Variants in CDH13 observed in about 807,000 individuals in gnomAD.
CDH13 encodes the protein cadherin-13.
CDH13 carries 24 observed loss-of-function variants against 63.8 expected under a neutral mutation model. The observed-to-expected ratio is 0.38, with a 90% confidence interval of 0.27 to 0.53. The LOEUF (loss-of-function observed/expected upper bound fraction) is 0.53. Among genes scored for constraint, CDH13 ranks in the 20% least tolerant of loss-of-function variants. CDH13 has a pLI of 0.85. For synonymous variants in CDH13, 503 were observed against 355.3 expected, an observed-to-expected ratio of 1.42 and a Z score of -4.67; for missense variants, 1,049 against 903.1, an observed-to-expected ratio of 1.16 and a Z score of -2.07.
chr16:83,059,718 G>T (rs898836989), intron 3 of CDH13, among the ~76,000 whole-genome samples: 2 of 151,270 alleles, frequency 1.3e-5, no homozygotes, highest in Non-Finnish European at 1.5e-5. Context: ...TAAAGACAGG[G>T]TGCTTATCCC....
intron 1 of CDH13, among the ~76,000 whole-genome samples, chr16:82,673,119 G>T (rs1913489038): frequency 6.8e-6 from 1 of 148,134 alleles, no homozygotes; most frequent in Non-Finnish European, 1.5e-5. Context: ...TGGGATTATA[G>T]GCATCAGTCA....
chr16:83,661,254 A>C (rs1913416301), intron 8 of CDH13, among the ~76,000 whole-genome samples: 1 of 152,144 alleles, frequency 6.6e-6, no homozygotes. Flanking sequence ...TGCGGGACCA[A>C]GACAGGAGGA....
intron 6 of CDH13, among the ~76,000 whole-genome samples, chr16:83,356,212 A>ATG (rs10525181): frequency 0.024 from 3,259 of 138,318 alleles, 66 homozygotes; most frequent in East Asian, 0.13. Context: ...ATTTATTTTC[A>ATG]TGTGTGTGTG....
At chr16:83,528,014 C>G (rs1157676627) in intron 7 of CDH13, among the ~76,000 whole-genome samples, 1 of 152,122 alleles carries the variant, frequency 6.6e-6, no homozygotes, top group African/African-American at 2.4e-5. Context: ...TCGGGAAGGC[C>G]AGGGCTAGAC....
intron 3 of CDH13, among the ~76,000 whole-genome samples, chr16:83,034,704 T>C (rs1011302851): frequency 6.6e-6 from 1 of 152,168 alleles, no homozygotes; most frequent in African/African-American, 2.4e-5. Flanking sequence ...GATACTGTCA[T>C]CGTATTTTGC....
intron 2 of CDH13, among the ~76,000 whole-genome samples, chr16:83,015,937 G>T (rs957042042): frequency 1.3e-5 from 2 of 151,614 alleles, no homozygotes; most frequent in African/African-American, 4.8e-5. Flanking sequence ...CAAATAGGGT[G>T]GAAAGCAGCA....
At chr16:83,511,463 A>G (rs566188422) in intron 7 of CDH13, among the ~76,000 whole-genome samples, 3 of 147,370 alleles carry the variant, frequency 2.0e-5, no homozygotes, top group Non-Finnish European at 4.5e-5. Context: ...TTCCATCTCA[A>G]AAAAAAAAAA....
intron 13 of CDH13, among the ~76,000 whole-genome samples, chr16:83,788,649 T>G (rs974591010): frequency 6.6e-6 from 1 of 152,158 alleles, no homozygotes; most frequent in South Asian, 2.1e-4. Context: ...TAAGGCAGAA[T>G]TGCCTGATAA....
intron 3 of CDH13, among the ~76,000 whole-genome samples, chr16:83,074,878 T>C (rs2032709576): frequency 6.6e-6 from 1 of 152,186 alleles, no homozygotes; most frequent in South Asian, 2.1e-4. Context: ...GACGCAAAAT[T>C]AGACAAACAG....
chr16:83,754,985 G>A (rs530348332), intron 11 of CDH13, among the ~76,000 whole-genome samples: 2 of 152,124 alleles, frequency 1.3e-5, no homozygotes, highest in South Asian at 4.2e-4. Flanking sequence ...CTGTAAAGAA[G>A]CAAGAATGTG....
intron 11 of CDH13, among the ~76,000 whole-genome samples, chr16:83,758,305 G>A (rs369920933): frequency 7.3e-4 from 111 of 152,188 alleles, no homozygotes; most frequent in African/African-American, 2.4e-3. Flanking sequence ...TCTCACTCAT[G>A]AGCATAAATT....
intron 10 of CDH13, 139 bp from the exon 11 acceptor site, chr16:83,747,969 A>G (rs1156644370): frequency 1.2e-5 from 10 of 864,450 alleles, no homozygotes; most frequent in Admixed American, 1.1e-4. Context: ...TGAATGAGCA[A>G]CTGTAACAGA....
At chr16:83,125,955 T>C (rs927198207) in intron 4 of CDH13, among the ~76,000 whole-genome samples, 1 of 152,184 alleles carries the variant, frequency 6.6e-6, no homozygotes, top group African/African-American at 2.4e-5. Flanking sequence ...ATACTAATCA[T>C]ATCCAGAATC....
chr16:83,313,179 T>C (rs147107340), intron 5 of CDH13, among the ~76,000 whole-genome samples: 2 of 152,328 alleles, frequency 1.3e-5, no homozygotes, highest in Admixed American at 6.5e-5. Context: ...TAAGTAGAGC[T>C]GGGAACATTG....
At chr16:83,506,986 A>G (rs903381832) in intron 7 of CDH13, among the ~76,000 whole-genome samples, 6 of 152,220 alleles carry the variant, frequency 3.9e-5, no homozygotes, top group Non-Finnish European at 5.9e-5. Context: ...GTGTGCAATC[A>G]TAAATGTTTT....
intron 1 of CDH13, among the ~76,000 whole-genome samples, chr16:82,720,582 T>C (rs2032705595): frequency 6.6e-6 from 1 of 151,958 alleles, no homozygotes; most frequent in South Asian, 2.1e-4. Flanking sequence ...AACTTTGGGA[T>C]GTGGGAGGAA....
chr16:83,726,599 G>A (rs1910415222), intron 10 of CDH13, among the ~76,000 whole-genome samples: 1 of 152,154 alleles, frequency 6.6e-6, no homozygotes, highest in Admixed American at 6.5e-5. Context: ...CCTTTGGGAG[G>A]CCGAGGCGGG....
At chr16:83,554,919 C>CTT (rs200979734) in intron 7 of CDH13, among the ~76,000 whole-genome samples, 2,052 of 133,748 alleles carry the variant, frequency 0.015, 30 homozygotes, top group Non-Finnish European at 0.023. Context: ...ACTGCTGAAT[C>CTT]TTTTTTTTTT....
At chr16:83,327,561 C>A (rs879312931) in intron 5 of CDH13, among the ~76,000 whole-genome samples, 4 of 152,168 alleles carry the variant, frequency 2.6e-5, no homozygotes, top group Non-Finnish European at 5.9e-5. Context: ...ACAAGACAGA[C>A]AAATTCCTAG....
Sources: gnomAD v4.1 joint callset for allele counts (sites outside exome capture counted in the v4.1 genomes callset) on GRCh38, gnomAD v4.1.1 for gene constraint, MANE v1.5 for transcripts, NCBI Gene and HGNC (gene_info 2026-07-23, HGNC 2026-07-21) for gene names.